Variants in CR1 observed in about 807,000 individuals in gnomAD.
The protein encoded by CR1 is complement receptor type 1.
In CR1, 116 loss-of-function variants were observed where a neutral mutation model predicts 187.3. That is an observed-to-expected ratio of 0.62 (90% confidence interval 0.53 to 0.72). The LOEUF is 0.72. Ranked by LOEUF, CR1 falls within the 30% of genes least tolerant of loss-of-function variation. The pLI is 0.00. For synonymous variants in CR1, 576 were observed against 747.1 expected (o/e 0.77, Z 3.73); for missense variants, 1,731 against 2,110.7 (o/e 0.82, Z 3.52).
chr1:207,613,000 T>G (rs1661980020), intron 39 of CR1, among the ~76,000 whole-genome samples: 1 of 152,192 alleles, frequency 6.6e-6, no homozygotes, highest in African/African-American at 2.4e-5. Context: ...GTCGCCCAGC[T>G]CTGGCTTGAT....
rs748157061 is a variant in CR1, at chr1:207,620,065, C to T, written c.7252C>T (p.Arg2418Cys). 105 of 1,606,862 alleles carry T rather than the reference C, an allele frequency of 6.5e-5. No individual in the cohort carries two copies. Among genetic ancestry groups the T allele is most frequent in the South Asian group, 1.1e-5 (1 of 89,244 alleles). ...WDPPLAKCTS[R>C]THDALIVGTL... ...CCCTCCTCTGGCCAAATGTACCTCTCGTAAGTGCAAGTGCAAGGAATGTGG... is the reference window on the plus strand; with the variant it reads ...CCCTCCTCTGGCCAAATGTACCTCTTGTAAGTGCAAGTGCAAGGAATGTGG... The change falls in exon 43 of 47, where the codon CGT becomes TGT. Residue 2418 changes from arginine (R) to cysteine (C), a missense_variant and splice_region_variant. By Grantham distance (180) the Arg-to-Cys change is radical. Around this residue, in one of 5 missense-constraint regions of CR1, gnomAD observed 1,312 missense variants for 1,379.6 expected, o/e 0.95. Coordinates refer to ENST00000367049, the MANE Select transcript of CR1 (RefSeq NM_000651.6).
intron 4 of CR1, among the ~76,000 whole-genome samples, chr1:207,520,497 T>A (rs79964814): frequency 6.6e-6 from 1 of 152,232 alleles, no homozygotes; most frequent in East Asian, 1.9e-4. Flanking sequence ...ATAAAGGCAT[T>A]GGCTGATGGG....
chr1:207,572,626 G>A (rs1571543066), intron 27 of CR1, among the ~76,000 whole-genome samples: 1 of 150,550 alleles, frequency 6.6e-6, no homozygotes, highest in Admixed American at 6.6e-5. Flanking sequence ...GTTTTATTGT[G>A]GTGGTCTGGA....
At chr1:207,575,165 A>G (rs1029226912) in intron 27 of CR1, among the ~76,000 whole-genome samples, 3 of 152,104 alleles carry the variant, frequency 2.0e-5, no homozygotes, top group African/African-American at 7.2e-5. Flanking sequence ...TCTTGTATTT[A>G]TAAAAAACAT....
chr1:207,611,566 T>C, intron 37 of CR1, 111 bp from the exon 38 acceptor site: 3 of 1,474,698 alleles, frequency 2.0e-6, no homozygotes, highest in Non-Finnish European at 2.7e-6. Flanking sequence ...ATCTTCTCTT[T>C]TAATAGCTGC....
intron 46 of CR1, among the ~76,000 whole-genome samples, chr1:207,635,122 G>T (rs962153579): frequency 2.0e-5 from 3 of 152,144 alleles, no homozygotes; most frequent in African/African-American, 7.2e-5. Flanking sequence ...TGAAGGGGTG[G>T]GTTGGCCCTC....
rs1191374089 is a variant in CR1 at position 207,621,850 on chromosome 1, A to G, written c.7253-123A>G. ...GTGAATGAAACCAATGGCTTTTTGC[A>G]TTAGAAAAAATATTAGACTGAGTCC... is the stretch of plus-strand genomic sequence containing the variant. On this transcript the variant is annotated intron_variant, in intron 43 of 46. Coordinates refer to ENST00000367049, the MANE Select transcript of CR1 (RefSeq NM_000651.6). 5 of 637,380 alleles carry G rather than the reference A, an allele frequency of 7.8e-6. No homozygotes were observed. In the South Asian group the frequency reaches 8.1e-5, roughly 10 times the overall value. 39.5% of individuals were successfully genotyped at this position (637,380 alleles called of 1,614,324 possible). A position where few individuals can be genotyped will look rare whatever the true frequency, so the allele number is the denominator to read the frequency against.
chr1:207,601,575 A>C (rs1277345067), intron 35 of CR1, among the ~76,000 whole-genome samples: 1 of 151,938 alleles, frequency 6.6e-6, no homozygotes, highest in Non-Finnish European at 1.5e-5. Flanking sequence ...CCTCACCAAC[A>C]CTTGTCATTT....
chr1:207,511,968 C>A (rs951567568), intron 4 of CR1, among the ~76,000 whole-genome samples: 4 of 152,106 alleles, frequency 2.6e-5, no homozygotes, highest in African/African-American at 9.7e-5. Context: ...CTTGGCAAAT[C>A]AGTAAAGATT....
rs750654400 is a variant in CR1, at chr1:207,584,659, T to A, written c.5313T>A (p.Cys1771Ter). ...TTGTTTTCTTTCTAGATATCTTTTGTCCAAATCCTCCAGCTATCCTTAATG... is the reference window on the plus strand; with the variant it reads ...TTGTTTTCTTTCTAGATATCTTTTGACCAAATCCTCCAGCTATCCTTAATG... ...NSVPVCEHIFCPNPPAILNGR... is the reference protein window; with the variant it reads ...NSVPVCEHIF Residue 1771 changes from cysteine to a stop codon, truncating the protein, a stop_gained, in exon 33 of 47, where the codon TGT becomes TGA. Transcript: ENST00000367049. LOFTEE classifies it high-confidence loss of function. 6.2e-7 allele frequency: 1 copy of A among 1,613,612 alleles called. No individual in the cohort carries two copies. Among genetic ancestry groups the A allele is most frequent in the South Asian group, 1.1e-5 (1 of 91,064 alleles).
chr1:207,581,872 G>C, intron 31 of CR1, 46 bp from the exon 32 acceptor site: 1 of 1,312,108 alleles, frequency 7.6e-7, no homozygotes. Context: ...ACGAAGGGAA[G>C]AGAGAAATGG....
At chr1:207,626,705 A>G (rs941879061) in intron 45 of CR1, among the ~76,000 whole-genome samples, 9 of 152,240 alleles carry the variant, frequency 5.9e-5, no homozygotes, top group Admixed American at 5.9e-4. Context: ...CACTGGAGAC[A>G]ATTCAGAAGC....
At position 207,501,898 on chromosome 1, in the gene CR1, C is replaced by G. The variant is rs530582082; in HGVS notation, c.122-4006C>G. Among the ~76,000 whole-genome samples, 66 of 149,972 alleles carry G rather than the reference C, an allele frequency of 4.4e-4. 2 individuals are homozygous for G. Among genetic ancestry groups the G allele is most frequent in the African/African-American group, 1.6e-3 (63 of 39,550 alleles). ...GGTGAATGCATAACACTGAAAATAA[C>G]AGCAACTGTTTTACTCAGTGTTTTT... On this transcript the variant is annotated intron_variant, in intron 1 of 46. Transcript: ENST00000367049.
In CR1 at chr1:207,611,541, G is replaced by A. The variant is rs1053799858; in HGVS notation, c.6296-136G>A. 3.9e-6 allele frequency: 5 copies of A among 1,266,828 alleles called. No individual in the cohort carries two copies. In the African/African-American group the frequency reaches 7.5e-5, roughly 19 times the overall value. The allele number at this position is 1,266,828 out of a possible 1,614,324, so 78.5% of individuals were successfully genotyped here. A position where few individuals can be genotyped will look rare whatever the true frequency, so the allele number is the denominator to read the frequency against. On this transcript the variant is annotated intron_variant, in intron 37 of 46. Coordinates refer to ENST00000367049, the MANE Select transcript of CR1 (RefSeq NM_000651.6). ...TTAGCTTCCTTGTTAGTGAGATGTG[G>A]CTACTGAACTACCAATCTTCTCTTT...
At chr1:207,612,091 C>G (rs750868301) in intron 39 of CR1, 50 bp downstream of exon 39, 31 of 1,557,434 alleles carry the variant, frequency 2.0e-5, no homozygotes, top group Non-Finnish European at 2.7e-5. Context: ...GAGAATCACT[C>G]TCTTGAGATC....
At position 207,641,251 on chromosome 1, in the gene CR1, A is replaced by G. The variant is rs1662974904; in HGVS notation, c.*1842A>G. Reference sequence around the variant, plus strand: ...GGCCTTTTTAGAATTAAAATTTCCCATTACAAGAAAAAAAAATCCTGTGTT... The same window carrying G: ...GGCCTTTTTAGAATTAAAATTTCCCGTTACAAGAAAAAAAAATCCTGTGTT... On this transcript the variant is annotated 3_prime_UTR_variant, in exon 47 of 47. Coordinates refer to ENST00000367049, the MANE Select transcript of CR1 (RefSeq NM_000651.6). 6.6e-6 allele frequency: 1 copy of G among 152,028 alleles called. No homozygotes were observed. Among genetic ancestry groups the G allele is most frequent in the African/African-American group, 2.4e-5 (1 of 41,426 alleles). 9.4% of individuals were successfully genotyped at this position (152,028 alleles called of 1,614,324 possible).
chr1:207,604,108 C>A lies in CR1; in HGVS notation c.5811-3143C>A, dbSNP rs895900055. ...AATTTGCCAATCTAATGGGCAAAAA[C>A]GGCATTTTATTTGCATTTTAAAGTG... is the stretch of plus-strand genomic sequence containing the variant. On this transcript the variant is annotated intron_variant, in intron 35 of 46. Coordinates refer to ENST00000367049, the MANE Select transcript of CR1 (RefSeq NM_000651.6). Among the ~76,000 whole-genome samples the A allele has an allele frequency of 2.0e-5, 3 of 152,106 alleles. No homozygotes were observed. The East Asian group carries it at 5.8e-4, about 29-fold the overall frequency.
intron 32 of CR1, among the ~76,000 whole-genome samples, 178 bp from the exon 33 acceptor site, chr1:207,584,471 C>G (rs1378922213): frequency 6.6e-6 from 1 of 152,130 alleles, no homozygotes; most frequent in East Asian, 1.9e-4. Context: ...ATTTAGTTGT[C>G]ATTTCATTTA....
intron 4 of CR1, among the ~76,000 whole-genome samples, chr1:207,520,104 A>C (rs1659928634): frequency 6.6e-6 from 1 of 152,242 alleles, no homozygotes; most frequent in African/African-American, 2.4e-5. Context: ...GTGAATTCTT[A>C]GAATTTTTAT....
Sources: allele counts gnomAD v4.1 joint callset (sites outside exome capture counted in the v4.1 genomes callset), GRCh38; gene constraint gnomAD v4.1.1; regional missense constraint gnomAD v4.1.1; transcripts MANE v1.5; gene names NCBI Gene and HGNC (gene_info 2026-07-23, HGNC 2026-07-21).